LRRC38: variants seen among roughly 807,000 people sequenced by gnomAD.
LRRC38 encodes leucine-rich repeat-containing protein 38.
In LRRC38, 5 loss-of-function variants were observed where a neutral mutation model predicts 16.4. The ratio of observed to expected loss-of-function variants is 0.31; its 90% CI spans 0.16 to 0.64. LRRC38 has a LOEUF of 0.64. LRRC38 is among the 30% of genes least tolerant of loss of function. LRRC38 has a pLI of 0.80. For missense variants in LRRC38, 341 were observed against 401.8 expected, an observed-to-expected ratio of 0.85 and a Z score of 1.29; for synonymous variants, 191 against 190.2, an observed-to-expected ratio of 1.00 and a Z score of -0.04.
At chr1:13,512,933 C>CCCCCCCCCCCCCCCCCCCG in intron 1 of LRRC38, 30 bp downstream of exon 1, 1 of 1,363,172 alleles carries the variant, frequency 7.3e-7, no homozygotes, top group Non-Finnish European at 1.0e-6. Flanking sequence ...CCCCCTCCCT[C>CCCCCCCCCCCCCCCCCCCG]CCTCCCCCAG....
intron 1 of LRRC38, among the ~76,000 whole-genome samples, chr1:13,507,378 G>A (rs147773604): frequency 9.8e-4 from 150 of 152,318 alleles, no homozygotes; most frequent in Middle Eastern, 6.8e-3. Context: ...CATGAAAACC[G>A]AGACTTCAGT....
chr1:13,483,485 C>T (rs937151180), intron 1 of LRRC38, among the ~76,000 whole-genome samples: 4 of 152,186 alleles, frequency 2.6e-5, no homozygotes, highest in Non-Finnish European at 5.9e-5. Flanking sequence ...GCCTAGAACT[C>T]TCCAGCCACC....
In LRRC38 at chr1:13,513,198, CT is replaced by C; in HGVS notation, c.395del (p.Lys132SerfsTer189). ...GAFRSAGRLV[K>X]LSLANNNLVG... ...CCAGGTTGTTGTTAGCCAGGCTAAGCTTCACCAGCCTCCCGGCCGAGCGGAA... is the reference window on the plus strand; with the variant it reads ...CCAGGTTGTTGTTAGCCAGGCTAAGCTCACCAGCCTCCCGGCCGAGCGGAA... On this transcript the variant is annotated frameshift_variant, in exon 1 of 2. Transcript: ENST00000376085. LOFTEE classifies it high-confidence loss of function. The C allele has an allele frequency of 6.4e-7, 1 of 1,550,504 alleles. No homozygotes were observed. The highest frequency in any genetic ancestry group is 8.7e-7 in the Non-Finnish European group (1 of 1,146,954).
intron 1 of LRRC38, among the ~76,000 whole-genome samples, chr1:13,496,829 G>T (rs1419917753): frequency 6.6e-6 from 1 of 152,196 alleles, no homozygotes; most frequent in Non-Finnish European, 1.5e-5. Context: ...ACGAAGAGGA[G>T]CAGGGGGACA....
intron 1 of LRRC38, among the ~76,000 whole-genome samples, chr1:13,503,229 C>T (rs1314617248): frequency 6.6e-6 from 1 of 152,126 alleles, no homozygotes; most frequent in African/African-American, 2.4e-5. Flanking sequence ...TTTTGGAGTT[C>T]AGCCAGCACT....
In LRRC38 at chr1:13,474,982, A is replaced by G. The variant is rs949425052; in HGVS notation, c.*864T>C. The G allele has an allele frequency of 1.3e-5, 2 of 152,194 alleles. No individual in the cohort carries two copies. The highest frequency in any genetic ancestry group is 3.8e-4 in the East Asian group (2 of 5,198). The allele number at this position is 152,194 out of a possible 1,614,324, so 9.4% of individuals were successfully genotyped here. A position where few individuals can be genotyped will look rare whatever the true frequency, so the allele number is the denominator to read the frequency against. On this transcript the variant is annotated 3_prime_UTR_variant, in exon 2 of 2. Transcript: ENST00000376085. ...AATACCAGAGATTGAGTGGCTTACA[A>G]ACAACAGACATTTATTTATTTCTCC...
At chr1:13,497,992 T>C (rs1317021020) in intron 1 of LRRC38, among the ~76,000 whole-genome samples, 1 of 144,256 alleles carries the variant, frequency 6.9e-6, no homozygotes, top group Non-Finnish European at 1.5e-5. Flanking sequence ...AGAAACGACA[T>C]TTTGGATATG....
At chr1:13,483,930 G>T (rs531240899) in intron 1 of LRRC38, among the ~76,000 whole-genome samples, 23 of 151,188 alleles carry the variant, frequency 1.5e-4, no homozygotes, top group African/African-American at 5.6e-4. Flanking sequence ...GGAGAGGAGT[G>T]GGGAGGGGAG....
At chr1:13,485,458 T>C (rs1638920694) in intron 1 of LRRC38, among the ~76,000 whole-genome samples, 1 of 151,716 alleles carries the variant, frequency 6.6e-6, no homozygotes, top group Non-Finnish European at 1.5e-5. Context: ...GTCCCATCTA[T>C]TCGGGAGGCT....
At chr1:13,492,571 G>A (rs926485666) in intron 1 of LRRC38, among the ~76,000 whole-genome samples, 29 of 152,134 alleles carry the variant, frequency 1.9e-4, no homozygotes, top group African/African-American at 4.3e-4. Flanking sequence ...GCCTGGTGGC[G>A]GGTGCCTGCA....
At chr1:13,479,439 C>T (rs965197115) in intron 1 of LRRC38, among the ~76,000 whole-genome samples, 1 of 152,234 alleles carries the variant, frequency 6.6e-6, no homozygotes, top group Non-Finnish European at 1.5e-5. Context: ...CATAAGCCCA[C>T]GGCACCTGCC....
chr1:13,505,989 T>A (rs911907138), intron 1 of LRRC38, among the ~76,000 whole-genome samples: 2 of 124,722 alleles, frequency 1.6e-5, no homozygotes, highest in East Asian at 4.1e-4. Context: ...TGGGAGCCAC[T>A]GGAAGGTTTC....
chr1:13,507,470 T>C (rs1453738093), intron 1 of LRRC38, among the ~76,000 whole-genome samples: 1 of 152,140 alleles, frequency 6.6e-6, no homozygotes, highest in Non-Finnish European at 1.5e-5. Context: ...ATAATGCAAA[T>C]TAAAGCAATA....
At chr1:13,491,166 C>T (rs756568481) in intron 1 of LRRC38, among the ~76,000 whole-genome samples, 16 of 152,072 alleles carry the variant, frequency 1.1e-4, no homozygotes, top group Non-Finnish European at 2.2e-4. Flanking sequence ...CTGGGTGGAG[C>T]GCCAGTAGCA....
At chr1:13,506,826 A>C (rs1309518990) in intron 1 of LRRC38, among the ~76,000 whole-genome samples, 1 of 152,216 alleles carries the variant, frequency 6.6e-6, no homozygotes, top group Non-Finnish European at 1.5e-5. Flanking sequence ...TCATCCCTGC[A>C]AACCATGTTC....
At chr1:13,490,885 C>T (rs566323250) in intron 1 of LRRC38, among the ~76,000 whole-genome samples, 4 of 152,058 alleles carry the variant, frequency 2.6e-5, no homozygotes, top group South Asian at 2.1e-4. Context: ...GTGGGCTCGC[C>T]GGCACGCTAG....
chr1:13,494,748 C>T (rs1216742028), intron 1 of LRRC38, among the ~76,000 whole-genome samples: 1 of 152,286 alleles, frequency 6.6e-6, no homozygotes, highest in Non-Finnish European at 1.5e-5. Context: ...GTTCGCTGTG[C>T]GGCTTTGTGC....
At chr1:13,492,940 G>C (rs951413383) in intron 1 of LRRC38, among the ~76,000 whole-genome samples, 2 of 151,956 alleles carry the variant, frequency 1.3e-5, no homozygotes. Context: ...CTCCGACCAC[G>C]TGAGTCCCGT....
intron 1 of LRRC38, among the ~76,000 whole-genome samples, chr1:13,477,398 G>A (rs777158935): frequency 7.2e-5 from 11 of 152,172 alleles, no homozygotes; most frequent in Non-Finnish European, 1.6e-4. Flanking sequence ...AAAATGTTTA[G>A]GATGAAACGT....
Sources: allele counts gnomAD v4.1 joint callset (sites outside exome capture counted in the v4.1 genomes callset), GRCh38; gene constraint gnomAD v4.1.1; transcripts MANE v1.5; gene names NCBI Gene and HGNC (gene_info 2026-07-23, HGNC 2026-07-21).